VAT1L: variants seen among roughly 807,000 people sequenced by gnomAD.
The protein encoded by VAT1L is vesicle amine transport 1 like.
VAT1L carries 34 observed loss-of-function variants against 44.1 expected under a neutral mutation model. The observed-to-expected ratio is 0.77, with a 90% CI of 0.59 to 1.03. The LOEUF (loss-of-function observed/expected upper bound fraction) is 1.03. Among genes scored for constraint, VAT1L ranks in the 50% least tolerant of loss-of-function variants. VAT1L has a pLI of 0.00. For missense variants in VAT1L, 615 were observed against 538.8 expected, an observed-to-expected ratio of 1.14 and a Z score of -1.40; for synonymous variants, 253 against 202.2, an observed-to-expected ratio of 1.25 and a Z score of -2.13.
At chr16:77,969,292 G>C (rs541857315) in intron 7 of VAT1L, among the ~76,000 whole-genome samples, 2 of 152,180 alleles carry the variant, frequency 1.3e-5, no homozygotes, top group East Asian at 1.9e-4. Context: ...ATGCAGCCCA[G>C]CAAGTCCCAG....
intron 7 of VAT1L, among the ~76,000 whole-genome samples, chr16:77,915,358 A>T (rs779812146): frequency 2.0e-4 from 30 of 152,250 alleles, no homozygotes; most frequent in Non-Finnish European, 3.7e-4. Context: ...TTTTTCAGAG[A>T]GTCAGTTATT....
chr16:77,865,583 GCTC>G (rs2016965197), intron 4 of VAT1L, among the ~76,000 whole-genome samples: 2 of 152,152 alleles, frequency 1.3e-5, no homozygotes, highest in South Asian at 4.1e-4. Context: ...TTCGACATGT[GCTC>G]TGGTAGTGAA....
Position 77,979,789 on chromosome 16 carries a change from C to T in VAT1L, c.*2094C>T, listed in dbSNP as rs923285851. On this transcript the variant is annotated 3_prime_UTR_variant, in exon 9 of 9. Transcript: ENST00000302536. The stretch of plus-strand genomic sequence containing the variant: ...AAGAAAACCCTTTCAGAATACAGAA[C>T]GAGAAAACTAGAGTTTGACCAATAA... 7 of 152,612 alleles carry T rather than the reference C, an allele frequency of 4.6e-5. No homozygotes were observed. Among genetic ancestry groups the T allele is most frequent in the Non-Finnish European group, 7.3e-5 (5 of 68,028 alleles). The allele number at this position is 152,612 out of a possible 1,614,324, so 9.5% of individuals were successfully genotyped here. A position where few individuals can be genotyped will look rare whatever the true frequency, so the allele number is the denominator to read the frequency against.
At chr16:77,837,615 A>G (rs1210791565) in intron 3 of VAT1L, among the ~76,000 whole-genome samples, 1 of 152,178 alleles carries the variant, frequency 6.6e-6, no homozygotes, top group Non-Finnish European at 1.5e-5. Context: ...CAAAACCAGC[A>G]GTATGTACAT....
At position 77,927,924 on chromosome 16, in the gene VAT1L, A is replaced by G. The variant is rs535336246; in HGVS notation, c.1077+43122A>G. 2.3e-4 allele frequency among the ~76,000 whole-genome samples: 35 copies of G among 152,252 alleles called. No homozygotes were observed. In the South Asian group the frequency reaches 6.4e-3, roughly 28 times the overall value. On this transcript the variant is annotated intron_variant, in intron 7 of 8. Coordinates refer to ENST00000302536, the MANE Select transcript of VAT1L (RefSeq NM_020927.3). ...TCAATTTCCTTTGAAAATTCTTACC[A>G]CTAGTATCCCTGATCTACAGTTCTG...
chr16:77,977,198 A>G (rs535973238), intron 8 of VAT1L, among the ~76,000 whole-genome samples: 1 of 152,126 alleles, frequency 6.6e-6, no homozygotes, highest in Non-Finnish European at 1.5e-5. Flanking sequence ...TAGCCATAAC[A>G]TGGCTTCCTC....
rs1256043107 is a variant in VAT1L at position 77,879,723 on chromosome 16, A to G, written c.882+499A>G. Among the ~76,000 whole-genome samples, 1 of 152,232 alleles carries G rather than the reference A, an allele frequency of 6.6e-6. No individual in the cohort carries two copies. The highest frequency in any genetic ancestry group is 1.5e-5 in the Non-Finnish European group (1 of 68,038). On this transcript the variant is annotated intron_variant, in intron 6 of 8. Transcript: ENST00000302536. The surrounding 1 kb of genome is among the most constrained non-coding windows in gnomAD (Gnocchi z 4.1). Reference sequence around the variant, plus strand: ...TTTAGACTACTTTTGTCTAAATGAAACAGAGAGGTGGGAGTGTCAGAGAAA... The same window carrying G: ...TTTAGACTACTTTTGTCTAAATGAAGCAGAGAGGTGGGAGTGTCAGAGAAA...
chr16:77,909,049 G>C (rs933145567), intron 7 of VAT1L, among the ~76,000 whole-genome samples: 3 of 152,164 alleles, frequency 2.0e-5, no homozygotes, highest in African/African-American at 7.2e-5. Flanking sequence ...AACACACATT[G>C]AGCATTGACC....
intron 3 of VAT1L, among the ~76,000 whole-genome samples, chr16:77,857,690 A>G (rs2016872946): frequency 1.3e-5 from 2 of 150,266 alleles, no homozygotes; most frequent in Non-Finnish European, 3.0e-5. Flanking sequence ...ATATAATTAT[A>G]CATATACACA....
intron 1 of VAT1L, among the ~76,000 whole-genome samples, chr16:77,802,974 T>A (rs112831633): frequency 6.6e-6 from 1 of 152,162 alleles, no homozygotes; most frequent in Non-Finnish European, 1.5e-5. Flanking sequence ...AGCCCAGCAA[T>A]GATTTCTTTC....
chr16:77,872,265 G>A (rs763384451), intron 4 of VAT1L, among the ~76,000 whole-genome samples: 1 of 152,152 alleles, frequency 6.6e-6, no homozygotes, highest in Non-Finnish European at 1.5e-5. Context: ...CATGTGAGCT[G>A]TTGATTGTGA....
chr16:77,928,731 T>A (rs933507940), intron 7 of VAT1L, among the ~76,000 whole-genome samples: 2 of 144,092 alleles, frequency 1.4e-5, no homozygotes, highest in African/African-American at 5.2e-5. Flanking sequence ...ATGTCTTAAA[T>A]TGATGGGGGT....
intron 1 of VAT1L, among the ~76,000 whole-genome samples, chr16:77,805,838 T>C (rs895778572): frequency 2.7e-5 from 4 of 149,942 alleles, no homozygotes; most frequent in African/African-American, 9.7e-5. Flanking sequence ...TTGTTACTTT[T>C]TGTGTTATTT....
At chr16:77,910,771 C>G (rs1010968544) in intron 7 of VAT1L, among the ~76,000 whole-genome samples, 1 of 151,876 alleles carries the variant, frequency 6.6e-6, no homozygotes, top group Non-Finnish European at 1.5e-5. Flanking sequence ...TTAAAGAAAT[C>G]TCCTTGACAT....
At chr16:77,837,519 G>T (rs1439090927) in intron 3 of VAT1L, among the ~76,000 whole-genome samples, 1 of 152,188 alleles carries the variant, frequency 6.6e-6, no homozygotes, top group Non-Finnish European at 1.5e-5. Flanking sequence ...CCCAACCACT[G>T]ATCTCAGTAC....
intron 3 of VAT1L, among the ~76,000 whole-genome samples, chr16:77,856,760 C>G (rs1156691549): frequency 6.6e-6 from 1 of 152,084 alleles, no homozygotes; most frequent in Non-Finnish European, 1.5e-5. Context: ...ACAAAGCCAT[C>G]CAAAGAGTAA....
At chr16:77,911,226 T>C (rs1212194244) in intron 7 of VAT1L, among the ~76,000 whole-genome samples, 1 of 152,176 alleles carries the variant, frequency 6.6e-6, no homozygotes, top group Non-Finnish European at 1.5e-5. Flanking sequence ...GTGTCCCAGT[T>C]GGGAAGAAAA....
At chr16:77,838,931 G>T (rs903543638) in intron 3 of VAT1L, among the ~76,000 whole-genome samples, 1 of 151,836 alleles carries the variant, frequency 6.6e-6, no homozygotes, top group Non-Finnish European at 1.5e-5. Context: ...TACAAGCCCT[G>T]GGGGTAACTG....
intron 7 of VAT1L, among the ~76,000 whole-genome samples, chr16:77,895,360 T>G (rs1012817913): frequency 6.6e-6 from 1 of 151,520 alleles, no homozygotes; most frequent in East Asian, 1.9e-4. Context: ...TATTTGAACA[T>G]GTTACCTCAT....
Sources: gnomAD v4.1 joint callset for allele counts (sites outside exome capture counted in the v4.1 genomes callset) on GRCh38, gnomAD v4.1.1 for gene constraint, Gnocchi (gnomAD v3.1) non-coding constraint, MANE v1.5 for transcripts, NCBI Gene and HGNC (gene_info 2026-07-23, HGNC 2026-07-21) for gene names.